The following STK39 variants were observed in gnomAD, a reference collection of about 807,000 sequenced individuals.
STK39 encodes serine/threonine kinase 39, also known as STE20/SPS1-related proline-alanine-rich protein kinase.
STK39 carries 20 observed loss-of-function variants against 77.8 expected under a neutral mutation model. The observed-to-expected ratio is 0.26, with a 90% CI of 0.18 to 0.37. The LOEUF (loss-of-function observed/expected upper bound fraction) is 0.37. Ranked by LOEUF, STK39 falls within the 10% of genes least tolerant of loss-of-function variation. The pLI is 1.00. For synonymous variants in STK39, 246 were observed against 234.1 expected (o/e 1.05, Z -0.47); for missense variants, 479 against 656.5 (o/e 0.73, Z 2.95).
intron 1 of STK39, among the ~76,000 whole-genome samples, chr2:168,237,383 T>A (rs1690647947): frequency 6.6e-6 from 1 of 152,226 alleles, no homozygotes; most frequent in Non-Finnish European, 1.5e-5. Context: ...AGTCATGTCA[T>A]CTGCAAACAG....
rs189715187 is a variant in STK39 at position 168,186,884 on chromosome 2, G to C, written c.209-4794C>G. Among the ~76,000 whole-genome samples the C allele has an allele frequency of 1.6e-3, 248 of 152,240 alleles. 1 individual carries two copies. Among genetic ancestry groups the C allele is most frequent in the African/African-American group, 5.7e-3 (237 of 41,536 alleles). On this transcript the variant is annotated intron_variant, in intron 1 of 17. Transcript: ENST00000355999. ...GAAGATTAGACTGGTTTAAAAGAGAGGCTAGGAGAGCTAAATTTGGAAACC... is the reference window on the plus strand; with the variant it reads ...GAAGATTAGACTGGTTTAAAAGAGACGCTAGGAGAGCTAAATTTGGAAACC...
In STK39 at chr2:168,169,486, A is replaced by T. The variant is rs188583407; in HGVS notation, c.322-2079T>A. On this transcript the variant is annotated intron_variant, in intron 2 of 17. Coordinates refer to ENST00000355999, the MANE Select transcript of STK39 (RefSeq NM_013233.3). ...AATAATTTATCAAAATGCACAAAAC[A>T]ACTAATGGTCATACAAAAGGAAATT... Among the ~76,000 whole-genome samples the T allele has an allele frequency of 4.8e-3, 724 of 152,328 alleles. 3 individuals are homozygous for T. The highest frequency in any genetic ancestry group is 8.3e-3 in the Non-Finnish European group (567 of 68,022).
At chr2:168,155,863 T>C (rs775375373) in intron 5 of STK39, among the ~76,000 whole-genome samples, 46 of 152,242 alleles carry the variant, frequency 3.0e-4, no homozygotes, top group Non-Finnish European at 6.5e-4. Context: ...CTGTTCTCTT[T>C]GCCACCAACA....
intron 16 of STK39, among the ~76,000 whole-genome samples, chr2:167,965,678 C>T (rs1307742610): frequency 6.6e-6 from 1 of 152,128 alleles, no homozygotes; most frequent in Non-Finnish European, 1.5e-5. Context: ...GGGAGAATGT[C>T]GTGTTTGTCA....
chr2:168,105,757 C>T (rs1686953695), intron 10 of STK39, among the ~76,000 whole-genome samples: 1 of 152,128 alleles, frequency 6.6e-6, no homozygotes, highest in Non-Finnish European at 1.5e-5. Flanking sequence ...AAGGGCAAGA[C>T]CTTGTGTGAA....
At chr2:168,005,002 T>A (rs1272345643) in intron 16 of STK39, among the ~76,000 whole-genome samples, 49 of 119,712 alleles carry the variant, frequency 4.1e-4, no homozygotes, top group African/African-American at 1.4e-3. Flanking sequence ...GCCCTCTTTT[T>A]TTTTTTTTTT....
chr2:167,956,765 C>T (rs1180823143), intron 17 of STK39, among the ~76,000 whole-genome samples: 12 of 140,234 alleles, frequency 8.6e-5, no homozygotes, highest in Non-Finnish European at 1.5e-4. Flanking sequence ...TTCTAAGCTG[C>T]CTCTCATCCT....
chr2:168,211,214 G>A (rs1689882031), intron 1 of STK39, among the ~76,000 whole-genome samples: 1 of 150,872 alleles, frequency 6.6e-6, no homozygotes, highest in Non-Finnish European at 1.5e-5. Flanking sequence ...GGCAAAGAAT[G>A]ACTGTTATCT....
At chr2:168,246,792 GC>G (rs1690917153) in intron 1 of STK39, among the ~76,000 whole-genome samples, 1 of 152,026 alleles carries the variant, frequency 6.6e-6, no homozygotes, top group Non-Finnish European at 1.5e-5. Flanking sequence ...CCAGGACGCG[GC>G]CCCCGGGGCC....
At chr2:168,128,297 C>T (rs901554977) in intron 10 of STK39, among the ~76,000 whole-genome samples, 48 of 152,334 alleles carry the variant, frequency 3.2e-4, no homozygotes, top group Middle Eastern at 3.4e-3. Context: ...AAAGACCCCA[C>T]GCCAGACTCC....
At chr2:168,242,379 T>C (rs1380773505) in intron 1 of STK39, among the ~76,000 whole-genome samples, 1 of 150,598 alleles carries the variant, frequency 6.6e-6, no homozygotes, top group Non-Finnish European at 1.5e-5. Context: ...CTGGCCAACA[T>C]GGTGAAACCC....
At chr2:168,184,362 T>G (rs1028237501) in intron 1 of STK39, among the ~76,000 whole-genome samples, 3 of 152,228 alleles carry the variant, frequency 2.0e-5, no homozygotes, top group Non-Finnish European at 4.4e-5. Flanking sequence ...CTAGACAGAA[T>G]TATGAAGCTT....
At chr2:168,079,820 C>G (rs80249858) in intron 10 of STK39, among the ~76,000 whole-genome samples, 4,717 of 152,248 alleles carry the variant, frequency 0.031, 253 homozygotes, top group African/African-American at 0.11. Flanking sequence ...CTATGTTCTA[C>G]GGATTTTACA....
chr2:168,051,086 T>C (rs1036832002), intron 14 of STK39, among the ~76,000 whole-genome samples: 1 of 152,336 alleles, frequency 6.6e-6, no homozygotes, highest in South Asian at 2.1e-4. Context: ...CCACTCATTA[T>C]CTTCAGGGAT....
intron 10 of STK39, among the ~76,000 whole-genome samples, chr2:168,097,032 A>G (rs114246119): frequency 0.014 from 2,104 of 152,258 alleles, 20 homozygotes; most frequent in Non-Finnish European, 0.022. Context: ...TCCTTGTCCT[A>G]CTAAACTTCA....
intron 10 of STK39, among the ~76,000 whole-genome samples, chr2:168,111,643 G>A (rs929750161): frequency 3.9e-5 from 6 of 152,124 alleles, no homozygotes; most frequent in Admixed American, 1.3e-4. Context: ...CATGTATACA[G>A]CGAGGGGAAA....
chr2:168,153,994 G>C (rs1038912652), intron 5 of STK39, among the ~76,000 whole-genome samples: 1 of 152,022 alleles, frequency 6.6e-6, no homozygotes, highest in Non-Finnish European at 1.5e-5. Context: ...ACCACAGAGG[G>C]GCAAAGGCAG....
intron 12 of STK39, among the ~76,000 whole-genome samples, chr2:168,070,171 C>T (rs1685902020): frequency 6.6e-6 from 1 of 152,012 alleles, no homozygotes; most frequent in African/African-American, 2.4e-5. Flanking sequence ...TTGCAAATAC[C>T]ACCCCTTCCC....
chr2:168,119,936 T>C (rs1211954670), intron 10 of STK39, among the ~76,000 whole-genome samples: 1 of 152,134 alleles, frequency 6.6e-6, no homozygotes, highest in East Asian at 1.9e-4. Context: ...TTTGGACTGT[T>C]AGGACATGAT....
Sources: allele counts gnomAD v4.1 joint callset (sites outside exome capture counted in the v4.1 genomes callset), GRCh38; gene constraint gnomAD v4.1.1; transcripts MANE v1.5; gene names NCBI Gene and HGNC (gene_info 2026-07-23, HGNC 2026-07-21).